Variants in LHFPL3 observed in about 807,000 individuals in gnomAD.
LHFPL3 encodes the protein LHFPL tetraspan subfamily member 3 protein.
Under a neutral mutation model 19.3 loss-of-function variants are expected in LHFPL3, and 5 were observed. The ratio of observed to expected loss-of-function variants is 0.26; its 90% confidence interval spans 0.14 to 0.54. The LOEUF (loss-of-function observed/expected upper bound fraction) is 0.54. Ranked by LOEUF, LHFPL3 falls within the 20% of genes least tolerant of loss-of-function variation. The probability of loss-of-function intolerance (pLI) is 0.94; values close to 1 mark genes in which losing one functional copy is unlikely to be tolerated. For synonymous variants in LHFPL3, 133 were observed against 126.2 expected, an observed-to-expected ratio of 1.05 and a Z score of -0.36; for missense variants, 249 against 307.4, an observed-to-expected ratio of 0.81 and a Z score of 1.42.
intron 1 of LHFPL3, among the ~76,000 whole-genome samples, chr7:104,428,503 A>G (rs996622986): frequency 1.3e-5 from 2 of 152,270 alleles, no homozygotes; most frequent in East Asian, 1.9e-4. Flanking sequence ...TGGCACATTA[A>G]TAGTAGCTGT....
intron 2 of LHFPL3, among the ~76,000 whole-genome samples, chr7:104,756,729 A>T (rs932821517): frequency 6.6e-6 from 1 of 152,090 alleles, no homozygotes; most frequent in Non-Finnish European, 1.5e-5. Context: ...CAAACTCCTG[A>T]CCTCAATTGA....
chr7:104,438,143 C>T (rs954589314), intron 1 of LHFPL3, among the ~76,000 whole-genome samples: 4 of 152,110 alleles, frequency 2.6e-5, no homozygotes, highest in African/African-American at 4.8e-5. Flanking sequence ...TCAGACAAAT[C>T]CTAAGAGTTT....
chr7:104,553,634 T>C (rs958422888), intron 1 of LHFPL3, among the ~76,000 whole-genome samples: 1 of 152,190 alleles, frequency 6.6e-6, no homozygotes, highest in African/African-American at 2.4e-5. Context: ...CAGTTGAACT[T>C]TTCTTTTGCT....
chr7:104,805,464 G>A (rs1208073703), intron 2 of LHFPL3, among the ~76,000 whole-genome samples: 1 of 152,180 alleles, frequency 6.6e-6, no homozygotes, highest in Admixed American at 6.5e-5. Flanking sequence ...TACAATTTGA[G>A]GTCCTCTCCT....
At chr7:104,623,536 A>C (rs1450057887) in intron 1 of LHFPL3, among the ~76,000 whole-genome samples, 1 of 115,378 alleles carries the variant, frequency 8.7e-6, no homozygotes, top group Non-Finnish European at 2.0e-5. Flanking sequence ...AGGCTGAGGC[A>C]GGAGAATCGC....
intron 2 of LHFPL3, among the ~76,000 whole-genome samples, chr7:104,821,614 ATT>A (rs1230945399): frequency 2.0e-5 from 3 of 152,186 alleles, no homozygotes; most frequent in African/African-American, 7.2e-5. Flanking sequence ...TTTTAAAGGC[ATT>A]ACGTGCAACA....
At chr7:104,686,301 C>T (rs935450860) in intron 1 of LHFPL3, among the ~76,000 whole-genome samples, 1 of 152,124 alleles carries the variant, frequency 6.6e-6, no homozygotes, top group Non-Finnish European at 1.5e-5. Flanking sequence ...ACCTACACCA[C>T]CATGGGGAGT....
chr7:104,350,023 TAC>T (rs1336344003), intron 1 of LHFPL3, among the ~76,000 whole-genome samples: 1 of 152,194 alleles, frequency 6.6e-6, no homozygotes, highest in African/African-American at 2.4e-5. Flanking sequence ...ATTTAATCCT[TAC>T]AACAATAATA....
intron 1 of LHFPL3, among the ~76,000 whole-genome samples, chr7:104,500,155 A>G (rs867305475): frequency 6.6e-6 from 1 of 152,194 alleles, no homozygotes; most frequent in African/African-American, 2.4e-5. Flanking sequence ...CAGGTAACCA[A>G]CCCTAAGCCT....
intron 1 of LHFPL3, among the ~76,000 whole-genome samples, chr7:104,449,151 T>C (rs1792384595): frequency 6.6e-6 from 1 of 152,192 alleles, no homozygotes; most frequent in African/African-American, 2.4e-5. Flanking sequence ...GCGGAGACAG[T>C]GGTGAGGAAT....
At chr7:104,864,511 G>C (rs182396411) in intron 2 of LHFPL3, among the ~76,000 whole-genome samples, 106 of 152,290 alleles carry the variant, frequency 7.0e-4, no homozygotes, top group Non-Finnish European at 7.9e-4. Context: ...AATGTGCCTC[G>C]CTCATTGCTA....
intron 1 of LHFPL3, among the ~76,000 whole-genome samples, chr7:104,711,620 T>G (rs1793301070): frequency 6.6e-6 from 1 of 152,002 alleles, no homozygotes; most frequent in Admixed American, 6.5e-5. Context: ...CTTTAAGAAT[T>G]TAAAAAAAAC....
At chr7:104,508,609 TA>T (rs66573135) in intron 1 of LHFPL3, among the ~76,000 whole-genome samples, 10,254 of 117,576 alleles carry the variant, frequency 0.087, 917 homozygotes, top group African/African-American at 0.25. Context: ...TAAAGTATAA[TA>T]AAAAAAAATA....
chr7:104,588,952 C>T (rs1284681914), intron 1 of LHFPL3, among the ~76,000 whole-genome samples: 2 of 152,102 alleles, frequency 1.3e-5, no homozygotes, highest in East Asian at 1.9e-4. Context: ...GTGATTTTTG[C>T]ACATTGATTT....
At chr7:104,342,996 CT>C (rs10668194) in intron 1 of LHFPL3, among the ~76,000 whole-genome samples, 1,514 of 140,924 alleles carry the variant, frequency 0.011, 21 homozygotes, top group African/African-American at 0.033. Flanking sequence ...AAAGAATTGA[CT>C]TTTTTTTTTT....
intron 1 of LHFPL3, among the ~76,000 whole-genome samples, chr7:104,573,766 C>G (rs1039097415): frequency 3.9e-5 from 6 of 152,310 alleles, no homozygotes; most frequent in African/African-American, 1.4e-4. Flanking sequence ...GAGAGACAGT[C>G]CCCTCTTCTC....
intron 1 of LHFPL3, among the ~76,000 whole-genome samples, chr7:104,385,353 A>G (rs140105020): frequency 4.1e-4 from 63 of 152,124 alleles, no homozygotes; most frequent in African/African-American, 1.4e-3. Flanking sequence ...TCCTCATGGC[A>G]TTTATAATTC....
At chr7:104,677,528 T>C (rs981476237) in intron 1 of LHFPL3, among the ~76,000 whole-genome samples, 2 of 152,224 alleles carry the variant, frequency 1.3e-5, no homozygotes, top group Admixed American at 6.5e-5. Flanking sequence ...TTCTATTGGA[T>C]TTACCTGTTC....
intron 1 of LHFPL3, among the ~76,000 whole-genome samples, chr7:104,401,858 TAAAGA>T (rs1208733041): frequency 6.6e-6 from 1 of 152,002 alleles, no homozygotes; most frequent in South Asian, 2.1e-4. Flanking sequence ...TTCAGTAAAT[TAAAGA>T]AAAGATCCAG....
Sources: allele counts gnomAD v4.1 joint callset (sites outside exome capture counted in the v4.1 genomes callset), GRCh38; gene constraint gnomAD v4.1.1; transcripts MANE v1.5; gene names NCBI Gene and HGNC (gene_info 2026-07-23, HGNC 2026-07-21).